EBF1: variants seen among roughly 807,000 people sequenced by gnomAD.
EBF1 encodes transcription factor COE1.
In EBF1, 10 loss-of-function variants were observed where a neutral mutation model predicts 68.4. That is an observed-to-expected ratio of 0.15 (90% CI 0.09 to 0.25). EBF1 has a LOEUF of 0.25. EBF1 is among the 10% of genes least tolerant of loss of function. The pLI, the probability that EBF1 is intolerant of heterozygous loss-of-function variation, is 1.00. For missense variants in EBF1, 509 were observed against 794.4 expected (o/e 0.64, Z 4.32); for synonymous variants, 298 against 299.8 (o/e 0.99, Z 0.06).
intron 6 of EBF1, among the ~76,000 whole-genome samples, chr5:158,882,341 C>T (rs1281878670): frequency 2.0e-5 from 3 of 152,184 alleles, no homozygotes; most frequent in Admixed American, 6.5e-5. Flanking sequence ...TGGATGCAAG[C>T]ATGCGAATGT....
intron 11 of EBF1, among the ~76,000 whole-genome samples, chr5:158,721,485 A>G (rs1049143711): frequency 6.6e-6 from 1 of 152,200 alleles, no homozygotes; most frequent in African/African-American, 2.4e-5. Context: ...AGTTAATACC[A>G]CTGAGGAGCT....
chr5:158,837,219 G>A (rs930244052), intron 7 of EBF1, among the ~76,000 whole-genome samples: 62 of 152,166 alleles, frequency 4.1e-4, no homozygotes, highest in African/African-American at 1.4e-3. Flanking sequence ...CATCTGGAGG[G>A]TAGAGGCCAG....
At chr5:159,015,737 C>T (rs1364414620) in intron 6 of EBF1, among the ~76,000 whole-genome samples, 3 of 152,196 alleles carry the variant, frequency 2.0e-5, no homozygotes, top group Admixed American at 6.5e-5. Flanking sequence ...AGTGGCTATA[C>T]GGTCCGCATC....
intron 10 of EBF1, among the ~76,000 whole-genome samples, chr5:158,760,137 C>G (rs1771086404): frequency 1.3e-5 from 2 of 152,256 alleles, no homozygotes; most frequent in Admixed American, 1.3e-4. Flanking sequence ...ACGGTTATCA[C>G]AAATCAGAAA....
At chr5:158,899,770 A>C (rs1172688079) in intron 6 of EBF1, among the ~76,000 whole-genome samples, 1 of 152,192 alleles carries the variant, frequency 6.6e-6, no homozygotes, top group Non-Finnish European at 1.5e-5. Flanking sequence ...TATTGAATGG[A>C]ATATTCTAAA....
chr5:158,901,861 C>T (rs1007718381), intron 6 of EBF1, among the ~76,000 whole-genome samples: 12 of 152,184 alleles, frequency 7.9e-5, no homozygotes, highest in African/African-American at 2.7e-4. Flanking sequence ...GAAGCCAAGG[C>T]AGGTGGATCA....
chr5:158,901,849 G>A (rs1006177979), intron 6 of EBF1, among the ~76,000 whole-genome samples: 1 of 152,202 alleles, frequency 6.6e-6, no homozygotes, highest in African/African-American at 2.4e-5. Context: ...CCAGCACTTT[G>A]GGAAGCCAAG....
At chr5:159,000,035 A>C (rs1288431368) in intron 6 of EBF1, among the ~76,000 whole-genome samples, 1 of 152,190 alleles carries the variant, frequency 6.6e-6, no homozygotes. Flanking sequence ...TTTCCTTATA[A>C]TACTACTGAC....
At chr5:158,922,397 C>T (rs976209587) in intron 6 of EBF1, among the ~76,000 whole-genome samples, 3 of 152,166 alleles carry the variant, frequency 2.0e-5, no homozygotes, top group African/African-American at 4.8e-5. Context: ...ATAACAATAA[C>T]CGACCACATC....
chr5:158,779,353 G>C (rs1204780132), intron 9 of EBF1, among the ~76,000 whole-genome samples: 1 of 151,992 alleles, frequency 6.6e-6, no homozygotes, highest in African/African-American at 2.4e-5. Context: ...AAAGTCACGG[G>C]ACAAACACTT....
chr5:158,932,971 C>T (rs1583274694), intron 6 of EBF1, among the ~76,000 whole-genome samples: 2 of 152,314 alleles, frequency 1.3e-5, no homozygotes, highest in African/African-American at 4.8e-5. Context: ...ACTCACTTTA[C>T]AGAGTGATAG....
intron 8 of EBF1, among the ~76,000 whole-genome samples, chr5:158,805,648 G>C (rs1004692092): frequency 6.6e-6 from 1 of 151,776 alleles, no homozygotes; most frequent in Non-Finnish European, 1.5e-5. Context: ...CTACTTTTTT[G>C]TTAGAGGGTT....
At chr5:158,721,233 G>A (rs1056475632) in intron 11 of EBF1, among the ~76,000 whole-genome samples, 2 of 152,030 alleles carry the variant, frequency 1.3e-5, no homozygotes, top group South Asian at 2.1e-4. Context: ...ACCAGCATGC[G>A]GCATGGTTGG....
intron 6 of EBF1, among the ~76,000 whole-genome samples, chr5:158,940,592 C>T (rs1813020857): frequency 6.6e-6 from 1 of 152,186 alleles, no homozygotes; most frequent in African/African-American, 2.4e-5. Context: ...AAGCATTTTG[C>T]TGTGCTATTT....
chr5:158,984,131 A>C (rs371027299), intron 6 of EBF1, among the ~76,000 whole-genome samples: 10 of 152,278 alleles, frequency 6.6e-5, no homozygotes, highest in South Asian at 6.2e-4. Context: ...ACACTTCTTA[A>C]AGTTTCCAGC....
At chr5:158,746,645 A>AG (rs1767636592) in intron 10 of EBF1, among the ~76,000 whole-genome samples, 1 of 152,156 alleles carries the variant, frequency 6.6e-6, no homozygotes, top group Non-Finnish European at 1.5e-5. Flanking sequence ...AAAACCAACA[A>AG]GGAAAAAAAA....
chr5:158,728,560 A>T (rs1055414020), intron 11 of EBF1, among the ~76,000 whole-genome samples: 4 of 152,010 alleles, frequency 2.6e-5, no homozygotes, highest in Non-Finnish European at 5.9e-5. Context: ...ATTAAACCAG[A>T]TTTGTCTTCT....
chr5:158,902,113 AG>A (rs2127299525), intron 6 of EBF1, among the ~76,000 whole-genome samples: 1 of 152,272 alleles, frequency 6.6e-6, no homozygotes, highest in Non-Finnish European at 1.5e-5. Context: ...AAAACAAAAC[AG>A]AAGTTTTCTG....
chr5:158,876,166 A>AC (rs1797778296), intron 6 of EBF1, among the ~76,000 whole-genome samples: 3 of 152,206 alleles, frequency 2.0e-5, no homozygotes, highest in Non-Finnish European at 2.9e-5. Flanking sequence ...ATATAATAAT[A>AC]TTAGCAGGAA....
Sources: gnomAD v4.1 joint callset for allele counts (sites outside exome capture counted in the v4.1 genomes callset) on GRCh38, gnomAD v4.1.1 for gene constraint, MANE v1.5 for transcripts, NCBI Gene and HGNC (gene_info 2026-07-23, HGNC 2026-07-21) for gene names.